ARHGAP6: variants seen among roughly 807,000 people sequenced by gnomAD.
The protein encoded by ARHGAP6 is Rho GTPase activating protein 6, also known as rho GTPase-activating protein 6.
ARHGAP6 carries 16 observed loss-of-function variants against 55.7 expected under a neutral mutation model. That is an observed-to-expected ratio of 0.29 (90% CI 0.19 to 0.44). The LOEUF (loss-of-function observed/expected upper bound fraction) is 0.44, where lower values mean the gene tolerates loss of function less well. Ranked by LOEUF, ARHGAP6 falls within the 20% of genes least tolerant of loss-of-function variation. The pLI, the probability that ARHGAP6 is intolerant of heterozygous loss-of-function variation, is 1.00. For missense variants in ARHGAP6, 698 were observed against 808.9 expected (o/e 0.86, Z 1.66); for synonymous variants, 382 against 360.9 (o/e 1.06, Z -0.66).
intron 1 of ARHGAP6, among the ~76,000 whole-genome samples, chrX:11,472,989 C>T (rs1042500706): frequency 3.7e-4 from 41 of 111,047 alleles, no homozygotes; most frequent in African/African-American, 1.0e-3. Flanking sequence ...AATAGGTCAC[C>T]CCTGACCGCT....
At chrX:11,198,204 C>T (rs770302510) in intron 2 of ARHGAP6, among the ~76,000 whole-genome samples, 2 of 111,865 alleles carry the variant, frequency 1.8e-5, no homozygotes, top group African/African-American at 3.2e-5. Flanking sequence ...TTCAATCCTT[C>T]CTTCTTTTCA....
At chrX:11,223,548 T>C (rs774736318) in intron 2 of ARHGAP6, among the ~76,000 whole-genome samples, 4 of 112,030 alleles carry the variant, frequency 3.6e-5, no homozygotes, top group African/African-American at 1.3e-4. Context: ...TCTAGAAATA[T>C]GGCAGCTGCA....
chrX:11,660,876 C>T, intron 1 of ARHGAP6, among the ~76,000 whole-genome samples: 1 of 110,733 alleles, frequency 9.0e-6, no homozygotes, highest in Non-Finnish European at 1.9e-5. Context: ...CCTTTCAAGG[C>T]CCCCCAAAGC....
chrX:11,586,146 A>G (rs2051731612), intron 1 of ARHGAP6, among the ~76,000 whole-genome samples: 1 of 110,904 alleles, frequency 9.0e-6, no homozygotes, highest in Admixed American at 9.5e-5. Flanking sequence ...TTGTCTGTTT[A>G]CTCTGTTGAT....
chrX:11,255,595 G>A (rs989831508), intron 1 of ARHGAP6, among the ~76,000 whole-genome samples: 5 of 110,784 alleles, frequency 4.5e-5, no homozygotes, highest in African/African-American at 1.3e-4. Context: ...AAGAATGTAG[G>A]GCTTTAAACT....
intron 1 of ARHGAP6, among the ~76,000 whole-genome samples, chrX:11,317,745 A>G (rs916684): frequency 0.34 from 37,269 of 110,646 alleles, 5,332 homozygotes; most frequent in African/African-American, 0.54. Flanking sequence ...ATTCCATAGT[A>G]CAGCTTTACA....
intron 1 of ARHGAP6, among the ~76,000 whole-genome samples, chrX:11,374,620 AAAATC>A (rs1314107546): frequency 8.9e-6 from 1 of 112,511 alleles, no homozygotes; most frequent in East Asian, 2.8e-4. Context: ...GCCATATTGG[AAAATC>A]AAATAAATCT....
intron 1 of ARHGAP6, among the ~76,000 whole-genome samples, chrX:11,388,556 T>G (rs1569324866): frequency 8.9e-6 from 1 of 112,092 alleles, no homozygotes; most frequent in Non-Finnish European, 1.9e-5. Flanking sequence ...CTCTTTAGTT[T>G]AATTAGATCC....
intron 1 of ARHGAP6, among the ~76,000 whole-genome samples, chrX:11,408,506 A>G (rs1400402781): frequency 1.8e-5 from 2 of 110,558 alleles, no homozygotes; most frequent in African/African-American, 6.6e-5. Flanking sequence ...TAAGCATAAA[A>G]CTCTATCCAG....
intron 1 of ARHGAP6, among the ~76,000 whole-genome samples, chrX:11,389,406 T>A (rs1214235943): frequency 8.9e-6 from 1 of 112,419 alleles, no homozygotes; most frequent in Non-Finnish European, 1.9e-5. Context: ...ATCAAAGCAC[T>A]AATAAAATTA....
rs150286726 is a variant in ARHGAP6 at position 11,335,826 on chromosome X, C to T, written c.589-81119G>A. ...TGGGCCCACAAGGAGCTGGCTCTGG[C>T]AGAGGCCATGGTGGGGAGGCCTAGG... On this transcript the variant is annotated intron_variant, in intron 1 of 12. Coordinates refer to ENST00000337414, the MANE Select transcript of ARHGAP6 (RefSeq NM_013427.3). 1.2e-3 allele frequency: 312 copies of T among 251,839 alleles called. 1 individual carries two copies. The highest frequency in any genetic ancestry group is 8.7e-3 in the African/African-American group (298 of 34,067). 20.8% of individuals were successfully genotyped at this position (251,839 alleles called of 1,213,427 possible). A position where few individuals can be genotyped will look rare whatever the true frequency, so the allele number is the denominator to read the frequency against.
chrX:11,512,111 C>T (rs1323843318), intron 1 of ARHGAP6, among the ~76,000 whole-genome samples: 1 of 111,740 alleles, frequency 8.9e-6, no homozygotes, highest in Non-Finnish European at 1.9e-5. Flanking sequence ...CAGGTGTGAG[C>T]CACCACGCGT....
At position 11,665,075 on chromosome X, in the gene ARHGAP6, G is replaced by T. The variant is rs187556938; in HGVS notation, c.-247C>A. On this transcript the variant is annotated 5_prime_UTR_variant, in exon 1 of 13. Transcript: ENST00000337414. ...ATGGGTCTGGGGACCTCCTGCAGCC[G>T]CTAGAACCTTCCTCCGGAGCCCAAG... is the stretch of plus-strand genomic sequence containing the variant. 1,257 of 319,212 alleles carry T rather than the reference G, an allele frequency of 3.9e-3. 34 individuals carry two copies. The Admixed American group carries it at 0.064, about 16-fold the overall frequency. The allele number at this position is 319,212 out of a possible 1,213,427, so 26.3% of individuals were successfully genotyped here.
At chrX:11,661,295 C>T in intron 1 of ARHGAP6, among the ~76,000 whole-genome samples, 1 of 112,580 alleles carries the variant, frequency 8.9e-6, no homozygotes, top group East Asian at 2.8e-4. Flanking sequence ...GTACCATTTA[C>T]CCTTTGTCTC....
intron 2 of ARHGAP6, among the ~76,000 whole-genome samples, chrX:11,226,602 T>C (rs914576767): frequency 1.8e-5 from 2 of 112,253 alleles, no homozygotes; most frequent in African/African-American, 3.2e-5. Flanking sequence ...ATAAAATTGA[T>C]ACTTTATGAA....
At chrX:11,583,356 G>A (rs919946624) in intron 1 of ARHGAP6, among the ~76,000 whole-genome samples, 2 of 112,059 alleles carry the variant, frequency 1.8e-5, no homozygotes, top group African/African-American at 6.5e-5. Flanking sequence ...TAGCAGAACT[G>A]GACCAGATTG....
chrX:11,592,036 T>G (rs1339913268), intron 1 of ARHGAP6, among the ~76,000 whole-genome samples: 1 of 111,437 alleles, frequency 9.0e-6, no homozygotes, highest in East Asian at 2.8e-4. Context: ...TTGTAAGAAG[T>G]AGTCCCAGGA....
At chrX:11,296,669 C>T in intron 1 of ARHGAP6, 1 of 893,946 alleles carries the variant, frequency 1.1e-6, no homozygotes, top group Non-Finnish European at 1.6e-6. Context: ...GCTTCAGTCT[C>T]CTTTAATGTG....
At chrX:11,634,503 C>T (rs2052396460) in intron 1 of ARHGAP6, among the ~76,000 whole-genome samples, 1 of 111,122 alleles carries the variant, frequency 9.0e-6, no homozygotes, top group Admixed American at 9.6e-5. Context: ...GATATGTAGT[C>T]ATTGTAGTGA....
Sources: allele counts gnomAD v4.1 joint callset (sites outside exome capture counted in the v4.1 genomes callset), GRCh38; gene constraint gnomAD v4.1.1; transcripts MANE v1.5; gene names NCBI Gene and HGNC (gene_info 2026-07-23, HGNC 2026-07-21).